The following RAB10 variants were observed in gnomAD, a reference collection of about 807,000 sequenced individuals.
The protein encoded by RAB10 is RAB10, member RAS oncogene family, also known as ras-related protein Rab-10.
A neutral mutation model predicts 25.7 loss-of-function variants in RAB10; 5 were observed. That is an observed-to-expected ratio of 0.19 (90% CI 0.10 to 0.41). The LOEUF (loss-of-function observed/expected upper bound fraction) is 0.41, where lower values mean the gene tolerates loss of function less well. Among genes scored for constraint, RAB10 ranks in the 10% least tolerant of loss-of-function variants. The pLI, the probability that RAB10 is intolerant of heterozygous loss-of-function variation, is 1.00. For missense variants in RAB10, 103 were observed against 245.8 expected, an observed-to-expected ratio of 0.42 and a Z score of 3.89; for synonymous variants, 89 against 86.4, an observed-to-expected ratio of 1.03 and a Z score of -0.16.
chr2:26,079,324 AACACAC>A (rs34334774), intron 1 of RAB10, among the ~76,000 whole-genome samples: 49 of 92,652 alleles, frequency 5.3e-4, no homozygotes, highest in Admixed American at 9.3e-4. Flanking sequence ...CACACACACA[AACACAC>A]ACACACACAC....
chr2:26,056,981 GC>G (rs1666280341), intron 1 of RAB10, among the ~76,000 whole-genome samples: 2 of 152,174 alleles, frequency 1.3e-5, no homozygotes, highest in African/African-American at 4.8e-5. Flanking sequence ...CTTGTACTTT[GC>G]TATATAGAGG....
At chr2:26,085,518 AG>A in intron 1 of RAB10, among the ~76,000 whole-genome samples, 1 of 151,994 alleles carries the variant, frequency 6.6e-6, no homozygotes, top group East Asian at 1.9e-4. Flanking sequence ...TTATGCAAAA[AG>A]ACAGCACTTT....
intron 3 of RAB10, among the ~76,000 whole-genome samples, chr2:26,112,897 A>G (rs1199276114): frequency 6.6e-6 from 1 of 152,100 alleles, no homozygotes; most frequent in East Asian, 1.9e-4. Flanking sequence ...TCTGGTCGAC[A>G]TGGTGAAACC....
At chr2:26,051,788 T>G (rs1574528416) in intron 1 of RAB10, among the ~76,000 whole-genome samples, 1 of 148,162 alleles carries the variant, frequency 6.7e-6, no homozygotes. Flanking sequence ...CCAGGTGAGG[T>G]GGTTCACGCC....
At chr2:26,037,203 G>A (rs1354815078) in intron 1 of RAB10, among the ~76,000 whole-genome samples, 1 of 152,182 alleles carries the variant, frequency 6.6e-6, no homozygotes, top group Admixed American at 6.5e-5. Flanking sequence ...TAAGATAATG[G>A]TATAATCTTT....
At chr2:26,037,633 C>T (rs1414895411) in intron 1 of RAB10, among the ~76,000 whole-genome samples, 1 of 150,324 alleles carries the variant, frequency 6.7e-6, no homozygotes, top group Non-Finnish European at 1.5e-5. Flanking sequence ...GAGTGAAACT[C>T]TGTCTCAAAA....
intron 1 of RAB10, among the ~76,000 whole-genome samples, chr2:26,043,830 A>G (rs1361947051): frequency 1.3e-5 from 2 of 152,338 alleles, no homozygotes; most frequent in Non-Finnish European, 2.9e-5. Context: ...TGATGGTTGT[A>G]TAACAGTGTG....
chr2:26,069,666 C>A (rs1377432434), intron 1 of RAB10, among the ~76,000 whole-genome samples: 1 of 151,562 alleles, frequency 6.6e-6, no homozygotes, highest in South Asian at 2.1e-4. Context: ...ACTCTGCCCC[C>A]CTACCCCCCA....
intron 1 of RAB10, among the ~76,000 whole-genome samples, chr2:26,063,109 C>CAAA: frequency 1.1e-5 from 1 of 91,736 alleles, no homozygotes. Flanking sequence ...GAGTGAAACT[C>CAAA]CATCTCAAAA....
At chr2:26,099,011 A>G (rs1439539206) in intron 2 of RAB10, among the ~76,000 whole-genome samples, 3 of 152,248 alleles carry the variant, frequency 2.0e-5, no homozygotes, top group Non-Finnish European at 4.4e-5. Flanking sequence ...GATTGTTACA[A>G]GGATTACATG....
chr2:26,065,519 AG>A (rs1666496486), intron 1 of RAB10, among the ~76,000 whole-genome samples: 8 of 152,146 alleles, frequency 5.3e-5, no homozygotes, highest in Admixed American at 3.9e-4. Context: ...GTGGCACTTC[AG>A]TTTATTGAAT....
At chr2:26,055,131 A>G (rs1666229684) in intron 1 of RAB10, among the ~76,000 whole-genome samples, 1 of 152,112 alleles carries the variant, frequency 6.6e-6, no homozygotes, top group Admixed American at 6.5e-5. Flanking sequence ...TCTACTAAGC[A>G]CTAGGGATGC....
At chr2:26,114,737 C>CAAAA (rs58252306) in intron 3 of RAB10, among the ~76,000 whole-genome samples, 2 of 66,072 alleles carry the variant, frequency 3.0e-5, no homozygotes, top group Admixed American at 1.7e-4. Flanking sequence ...CAAAAATATA[C>CAAAA]AAAAAAAAAA....
At chr2:26,037,909 G>A (rs1338249121) in intron 1 of RAB10, among the ~76,000 whole-genome samples, 6 of 151,442 alleles carry the variant, frequency 4.0e-5, no homozygotes, top group African/African-American at 1.2e-4. Flanking sequence ...TTTTTGAGAC[G>A]GAGTTTCGTT....
intron 1 of RAB10, among the ~76,000 whole-genome samples, chr2:26,089,555 A>T (rs1020883538): frequency 6.6e-6 from 1 of 152,160 alleles, no homozygotes; most frequent in South Asian, 2.1e-4. Flanking sequence ...GATTTTTAGA[A>T]GTCTTATTAC....
intron 1 of RAB10, among the ~76,000 whole-genome samples, chr2:26,094,315 G>A (rs1406392612): frequency 1.3e-5 from 2 of 151,938 alleles, no homozygotes; most frequent in South Asian, 2.1e-4. Context: ...GCAGTGGCAC[G>A]GTCTTGACTC....
chr2:26,037,733 C>A (rs1193004889), intron 1 of RAB10, among the ~76,000 whole-genome samples: 1 of 151,944 alleles, frequency 6.6e-6, no homozygotes, highest in South Asian at 2.1e-4. Context: ...TCACATGGTG[C>A]CAGGACCAGG....
intron 3 of RAB10, among the ~76,000 whole-genome samples, chr2:26,124,920 TG>T (rs1435631503): frequency 6.6e-6 from 1 of 152,236 alleles, no homozygotes; most frequent in Non-Finnish European, 1.5e-5. Context: ...TCATCTACAT[TG>T]TAGCATGTGT....
At chr2:26,130,378 G>A (rs573277278) in intron 5 of RAB10, among the ~76,000 whole-genome samples, 56 of 151,996 alleles carry the variant, frequency 3.7e-4, no homozygotes, top group Middle Eastern at 3.4e-3. Context: ...CTGTTGGCAA[G>A]TGTGATCATG....
Sources: allele counts gnomAD v4.1 joint callset (sites outside exome capture counted in the v4.1 genomes callset), GRCh38; gene constraint gnomAD v4.1.1; transcripts MANE v1.5; gene names NCBI Gene and HGNC (gene_info 2026-07-23, HGNC 2026-07-21).